Variants in YTHDC2 observed in about 807,000 individuals in gnomAD.
The protein encoded by YTHDC2 is 3'-5' RNA helicase YTHDC2.
Under a neutral mutation model 174.9 loss-of-function variants are expected in YTHDC2, and 45 were observed. That is an observed-to-expected ratio of 0.26 (90% CI 0.20 to 0.33). The LOEUF (loss-of-function observed/expected upper bound fraction) is 0.33. YTHDC2 is among the 10% of genes least tolerant of loss of function. YTHDC2 has a pLI of 1.00. For synonymous variants in YTHDC2, 657 were observed against 574.5 expected (o/e 1.14, Z -2.05); for missense variants, 1,650 against 1,723.7 (o/e 0.96, Z 0.76).
chr5:113,536,077 C>G (rs970923049), intron 7 of YTHDC2, among the ~76,000 whole-genome samples: 1 of 152,144 alleles, frequency 6.6e-6, no homozygotes, highest in African/African-American at 2.4e-5. Flanking sequence ...AACTATTTCC[C>G]TTTATTGGTA....
rs70973686 is a variant in YTHDC2, at chr5:113,561,957, GGTGTGTGT to G, written c.2322+807_2322+814del. ...GATTTTCTGACCTCTATTAATTGTG[GGTGTGTGT>G]GTGTGTGTGTGTGTGTGTGTGTGTG... On this transcript the variant is annotated intron_variant, in intron 18 of 29. Coordinates refer to ENST00000161863, the MANE Select transcript of YTHDC2 (RefSeq NM_022828.5). Among the ~76,000 whole-genome samples the G allele has an allele frequency of 7.5e-3, 1,009 of 134,952 alleles. 9 individuals carry two copies. Among genetic ancestry groups the G allele is most frequent in the African/African-American group, 0.016 (554 of 35,024 alleles). 88.5% of individuals were successfully genotyped at this position (134,952 alleles called of 152,430 possible). A position where few individuals can be genotyped will look rare whatever the true frequency, so the allele number is the denominator to read the frequency against.
Position 113,525,132 on chromosome 5 carries a change from C to T in YTHDC2, c.430C>T (p.Leu144Phe). Residue 144 changes from leucine to phenylalanine, a missense_variant, in exon 3 of 30, where the codon CTT (leucine) becomes TTT (phenylalanine). Leu to Phe is a conservative substitution (Grantham distance 22, BLOSUM62 0). Around this residue, in one of 5 missense-constraint regions of YTHDC2, gnomAD observed 304 missense variants for 341.4 expected, o/e 0.89. Transcript: ENST00000161863. ...TGTCACCAATAAAGAGCGTACAGAA[C>T]TTCTGCCTAAAACAGAAAGAGGAAA... is the stretch of plus-strand genomic sequence containing the variant. ...FPVTNKERTE[L>F]LPKTERGNVF... is the part of the protein sequence containing the mutation. The T allele has an allele frequency of 6.2e-7, 1 of 1,607,592 alleles. No individual in the cohort carries two copies. Among genetic ancestry groups the T allele is most frequent in the Non-Finnish European group, 8.5e-7 (1 of 1,177,418 alleles).
In YTHDC2 at chr5:113,526,773, A is replaced by G; in HGVS notation, c.663A>G (p.Gly221=). The change falls in exon 4 of 30, where the codon GGA becomes GGG. Residue 221 remains glycine, a synonymous_variant. Transcript: ENST00000161863. The stretch of plus-strand genomic sequence containing the variant: ...TGATTGTAGGAGAAACTGGGTCTGG[A>G]AAGACCACACAGGTTTGTTTCTTTT... The part of the protein sequence containing the change: ...VVLIVGETGS[G]KTTQIPQFLL... 6 of 1,471,812 alleles carry G rather than the reference A, an allele frequency of 4.1e-6. No homozygotes were observed. The highest frequency in any genetic ancestry group is 5.4e-6 in the Non-Finnish European group (6 of 1,104,022). 91.2% of individuals were successfully genotyped at this position (1,471,812 alleles called of 1,614,324 possible). A position where few individuals can be genotyped will look rare whatever the true frequency, so the allele number is the denominator to read the frequency against.
intron 10 of YTHDC2, among the ~76,000 whole-genome samples, chr5:113,545,169 A>G (rs1479456067): frequency 6.6e-6 from 1 of 152,164 alleles, no homozygotes; most frequent in Non-Finnish European, 1.5e-5. Flanking sequence ...GTCTGGGTCA[A>G]TTACCAAGCA....
chr5:113,532,738 G>C (rs1330944141), intron 4 of YTHDC2, 141 bp from the exon 5 acceptor site: 2 of 656,856 alleles, frequency 3.0e-6, no homozygotes, highest in African/African-American at 1.8e-5. Context: ...CTGATTACTA[G>C]TTACATGAAT....
chr5:113,548,433 G>A, intron 10 of YTHDC2, 108 bp from the exon 11 acceptor site: 1 of 1,104,938 alleles, frequency 9.1e-7, no homozygotes, highest in Non-Finnish European at 1.3e-6. Context: ...GCAACTCTCA[G>A]GCTAATTATC....
At position 113,525,033 on chromosome 5, in the gene YTHDC2, G is replaced by T; in HGVS notation, c.331G>T (p.Ala111Ser). The part of the protein sequence containing the change: ...TVKKKDGSET[A>S]HAMMTCNLTH... ...GAAGAAGAAAGATGGATCAGAAACA[G>T]CTCATGCAATGATGACCTGTAATTT... is the stretch of plus-strand genomic sequence containing the variant. Residue 111 changes from alanine (A) to serine (S), a missense_variant, in exon 3 of 30, where the codon GCT (alanine) becomes TCT (serine). Around this residue, in one of 5 missense-constraint regions of YTHDC2, gnomAD observed 304 missense variants for 341.4 expected, o/e 0.89. Transcript: ENST00000161863. 2 of 1,611,218 alleles carry T rather than the reference G, an allele frequency of 1.2e-6. No homozygotes were observed. The highest frequency in any genetic ancestry group is 1.7e-6 in the Non-Finnish European group (2 of 1,178,838).
chr5:113,543,361 G>A (rs1775616694), intron 10 of YTHDC2, among the ~76,000 whole-genome samples: 1 of 152,134 alleles, frequency 6.6e-6, no homozygotes, highest in Non-Finnish European at 1.5e-5. Context: ...CATACAGAAA[G>A]TCTGCTGTCA....
chr5:113,587,991 C>A (rs1778786257), intron 26 of YTHDC2, among the ~76,000 whole-genome samples: 1 of 151,892 alleles, frequency 6.6e-6, no homozygotes, highest in Non-Finnish European at 1.5e-5. Context: ...TTAAATTTCT[C>A]CCTAAGTATT....
intron 9 of YTHDC2, 68 bp downstream of exon 9, chr5:113,541,184 A>C: frequency 6.7e-7 from 1 of 1,497,498 alleles, no homozygotes; most frequent in Non-Finnish European, 9.1e-7. Context: ...ACATTTTATG[A>C]GCTTATAATT....
At chr5:113,531,354 A>T (rs938249165) in intron 4 of YTHDC2, among the ~76,000 whole-genome samples, 8 of 152,156 alleles carry the variant, frequency 5.3e-5, no homozygotes, top group African/African-American at 1.9e-4. Flanking sequence ...CTGCGGTCCC[A>T]TCAGCCAGCG....
chr5:113,541,570 A>C (rs1286325004), intron 9 of YTHDC2, among the ~76,000 whole-genome samples: 1 of 152,154 alleles, frequency 6.6e-6, no homozygotes, highest in East Asian at 1.9e-4. Context: ...TTTTCAGAGC[A>C]ACTTTCTACT....
intron 4 of YTHDC2, among the ~76,000 whole-genome samples, chr5:113,530,349 T>C (rs796333891): frequency 3.9e-5 from 6 of 152,306 alleles, no homozygotes; most frequent in African/African-American, 1.4e-4. Flanking sequence ...GTATCTTTAA[T>C]CTCATTATCT....
intron 28 of YTHDC2, 57 bp from the exon 29 acceptor site, chr5:113,593,246 A>G: frequency 1.5e-6 from 2 of 1,354,148 alleles, no homozygotes; most frequent in Non-Finnish European, 2.1e-6. Context: ...GGTTTTGGTC[A>G]TTAAAAATTT....
chr5:113,541,302 C>A (rs1190912807), intron 9 of YTHDC2, among the ~76,000 whole-genome samples, 186 bp downstream of exon 9: 1 of 151,916 alleles, frequency 6.6e-6, no homozygotes, highest in Non-Finnish European at 1.5e-5. Context: ...CGCCATTCTC[C>A]TGCCTCAGCC....
At chr5:113,554,680 C>T (rs1416769676) in intron 16 of YTHDC2, among the ~76,000 whole-genome samples, 1 of 151,822 alleles carries the variant, frequency 6.6e-6, no homozygotes, top group African/African-American at 2.4e-5. Flanking sequence ...AACAGAGACC[C>T]TCTCAAAGCC....
Position 113,587,543 on chromosome 5 carries a change from A to G in YTHDC2, c.3825+3064A>G, listed in dbSNP as rs1778759001. On this transcript the variant is annotated intron_variant, in intron 26 of 29. Transcript: ENST00000161863. The stretch of plus-strand genomic sequence containing the variant: ...ATATATATTATGTATTTATATATTA[A>G]TATATTGTACATACATAATATATAG... 6.4e-5 allele frequency among the ~76,000 whole-genome samples: 9 copies of G among 139,914 alleles called. 2 individuals carry two copies. In the South Asian group the frequency reaches 1.9e-3, roughly 30 times the overall value. 91.8% of individuals were successfully genotyped at this position (139,914 alleles called of 152,430 possible). A position where few individuals can be genotyped will look rare whatever the true frequency, so the allele number is the denominator to read the frequency against.
chr5:113,520,960 G>A (rs981662453), intron 2 of YTHDC2, among the ~76,000 whole-genome samples: 8 of 152,108 alleles, frequency 5.3e-5, no homozygotes, highest in South Asian at 2.1e-4. Flanking sequence ...TCACCTCTAT[G>A]TGTCCATGTG....
chr5:113,591,958 C>G (rs950026728), intron 27 of YTHDC2, 38 bp from the exon 28 acceptor site: 1 of 1,452,796 alleles, frequency 6.9e-7, no homozygotes, highest in Non-Finnish European at 9.2e-7. Context: ...TGCTAATCTC[C>G]TCCTCACCTC....
Sources: gnomAD v4.1 joint callset for allele counts (sites outside exome capture counted in the v4.1 genomes callset) on GRCh38, gnomAD v4.1.1 for gene constraint, gnomAD v4.1.1 regional missense constraint, MANE v1.5 for transcripts, NCBI Gene and HGNC (gene_info 2026-07-23, HGNC 2026-07-21) for gene names.